Variants in NRXN3 observed in about 807,000 individuals in gnomAD.
NRXN3 encodes neurexin III.
A neutral mutation model predicts 137.6 loss-of-function variants in NRXN3; 32 were observed. That is an observed-to-expected ratio of 0.23 (90% confidence interval 0.18 to 0.31). The LOEUF is 0.31. NRXN3 is among the 10% of genes least tolerant of loss of function. The pLI is 1.00. For synonymous variants in NRXN3, 798 were observed against 784.5 expected, an observed-to-expected ratio of 1.02 and a Z score of -0.29; for missense variants, 1,574 against 2,062.5, an observed-to-expected ratio of 0.76 and a Z score of 4.59.
At chr14:79,392,969 C>CA (rs3036678) in intron 15 of NRXN3, among the ~76,000 whole-genome samples, 5,631 of 60,484 alleles carry the variant, frequency 0.093, 869 homozygotes, top group African/African-American at 0.31. Flanking sequence ...GGCTCCATCT[C>CA]AAAAAAAAAA....
intron 15 of NRXN3, among the ~76,000 whole-genome samples, chr14:79,327,078 G>A (rs1002435148): frequency 7.9e-5 from 12 of 151,914 alleles, no homozygotes; most frequent in African/African-American, 1.9e-4. Flanking sequence ...TCTTTCCCTC[G>A]CTCCCTTCTT....
intron 10 of NRXN3, among the ~76,000 whole-genome samples, chr14:78,901,855 G>T (rs947741992): frequency 2.0e-5 from 3 of 152,014 alleles, no homozygotes; most frequent in African/African-American, 7.2e-5. Flanking sequence ...GTCTGAGCAA[G>T]AATTTCCTTT....
chr14:79,504,531 C>G (rs1414249974), intron 16 of NRXN3, among the ~76,000 whole-genome samples: 1 of 150,960 alleles, frequency 6.6e-6, no homozygotes, highest in Non-Finnish European at 1.5e-5. Flanking sequence ...CATATTACTA[C>G]AAGTTAGATT....
chr14:78,919,506 A>G (rs567340107), intron 10 of NRXN3, among the ~76,000 whole-genome samples: 2 of 152,354 alleles, frequency 1.3e-5, no homozygotes, highest in African/African-American at 4.8e-5. Flanking sequence ...TTTAAGCTGA[A>G]TTGGGATAAA....
chr14:79,355,331 T>C (rs1273156541), intron 15 of NRXN3, among the ~76,000 whole-genome samples: 2 of 151,696 alleles, frequency 1.3e-5, no homozygotes, highest in African/African-American at 4.8e-5. Flanking sequence ...TCACTTCTTT[T>C]CCACTGCATG....
chr14:78,535,899 C>T (rs753409222), intron 4 of NRXN3, among the ~76,000 whole-genome samples: 12 of 152,084 alleles, frequency 7.9e-5, no homozygotes, highest in South Asian at 2.1e-4. Context: ...TGGTGGGATG[C>T]CATTGATGTT....
At chr14:78,193,340 C>T (rs574850467) in intron 1 of NRXN3, among the ~76,000 whole-genome samples, 5 of 152,142 alleles carry the variant, frequency 3.3e-5, no homozygotes, top group East Asian at 1.9e-4. Flanking sequence ...CATCCAGATG[C>T]GATTTTGCTT....
chr14:79,502,402 C>T (rs957482720), intron 16 of NRXN3, among the ~76,000 whole-genome samples: 4 of 152,078 alleles, frequency 2.6e-5, no homozygotes, highest in East Asian at 3.9e-4. Flanking sequence ...GAGTTTGACA[C>T]ACCTCTTTAG....
intron 19 of NRXN3, among the ~76,000 whole-genome samples, chr14:79,751,154 C>T (rs1020584369): frequency 3.3e-5 from 5 of 152,072 alleles, no homozygotes; most frequent in Non-Finnish European, 7.4e-5. Flanking sequence ...CTGTAAATTA[C>T]CTTGGGCAGT....
chr14:79,534,751 G>T (rs2097197245), intron 16 of NRXN3, among the ~76,000 whole-genome samples: 1 of 152,116 alleles, frequency 6.6e-6, no homozygotes, highest in South Asian at 2.1e-4. Context: ...AAAACCTGGA[G>T]ATATGAGTAC....
At chr14:79,635,018 A>G (rs544194253) in intron 16 of NRXN3, among the ~76,000 whole-genome samples, 8 of 152,188 alleles carry the variant, frequency 5.3e-5, no homozygotes, top group Non-Finnish European at 1.2e-4. Context: ...CAGTAGGGTA[A>G]CTAGAGTTAA....
At position 79,651,438 on chromosome 14, in the gene NRXN3, G is replaced by C. The variant is rs78368417; in HGVS notation, c.3445-12340G>C. 5.0e-3 allele frequency among the ~76,000 whole-genome samples: 754 copies of C among 152,274 alleles called. 7 individuals carry two copies. Among genetic ancestry groups the C allele is most frequent in the African/African-American group, 0.018 (730 of 41,578 alleles). Reference sequence around the variant, plus strand: ...AATGCAAAGGTGCTTTCACCATTGTGTCAGATGCTTGGCTGAACATTTATT... The same window carrying C: ...AATGCAAAGGTGCTTTCACCATTGTCTCAGATGCTTGGCTGAACATTTATT... On this transcript the variant is annotated intron_variant, in intron 16 of 20. Transcript: ENST00000335750.
At chr14:78,478,432 CAA>C (rs1462434664) in intron 4 of NRXN3, among the ~76,000 whole-genome samples, 5 of 151,996 alleles carry the variant, frequency 3.3e-5, no homozygotes, top group Non-Finnish European at 7.4e-5. Context: ...TTAATGATAG[CAA>C]GTCATTTTTA....
intron 9 of NRXN3, among the ~76,000 whole-genome samples, chr14:78,809,259 C>A (rs1208147928): frequency 1.3e-5 from 2 of 152,134 alleles, no homozygotes; most frequent in African/African-American, 4.8e-5. Flanking sequence ...CTTTTCTTCC[C>A]TCCCTTTCCC....
chr14:79,204,157 G>A (rs1417288428), intron 15 of NRXN3, among the ~76,000 whole-genome samples: 1 of 151,840 alleles, frequency 6.6e-6, no homozygotes, highest in Non-Finnish European at 1.5e-5. Flanking sequence ...AAGATACAAA[G>A]AAAAAAGATT....
chr14:78,918,047 A>AG (rs903471013), intron 10 of NRXN3, among the ~76,000 whole-genome samples: 80 of 150,476 alleles, frequency 5.3e-4, no homozygotes, highest in Admixed American at 3.8e-3. Context: ...GCACTTTGGG[A>AG]GGCCAAGGCA....
chr14:78,670,106 C>T (rs776716025), intron 6 of NRXN3, among the ~76,000 whole-genome samples: 21 of 151,742 alleles, frequency 1.4e-4, no homozygotes, highest in African/African-American at 1.9e-4. Flanking sequence ...TGAGAACATG[C>T]GGTGTCTGGT....
intron 4 of NRXN3, among the ~76,000 whole-genome samples, chr14:78,465,738 T>C (rs2095082490): frequency 6.6e-6 from 1 of 152,000 alleles, no homozygotes; most frequent in Admixed American, 6.6e-5. Flanking sequence ...TTTCACCGTG[T>C]TGGCCAAGAT....
rs1030254990 is a variant in NRXN3 at position 78,670,079 on chromosome 14, C to T, written c.1221+18753C>T. Among the ~76,000 whole-genome samples the T allele has an allele frequency of 2.0e-5, 3 of 151,132 alleles. No homozygotes were observed. The East Asian group carries it at 5.9e-4, about 30-fold the overall frequency. ...CCTGTGTCCATGTGTTCTCATTGTT[C>T]AACTCCCTCTTATGAGTGAGAACAT... On this transcript the variant is annotated intron_variant, in intron 6 of 20. Transcript: ENST00000335750.
Sources: gnomAD v4.1 joint callset for allele counts (sites outside exome capture counted in the v4.1 genomes callset) on GRCh38, gnomAD v4.1.1 for gene constraint, MANE v1.5 for transcripts, NCBI Gene and HGNC (gene_info 2026-07-23, HGNC 2026-07-21) for gene names.